IGDCC3: variants seen among roughly 807,000 people sequenced by gnomAD.
IGDCC3 encodes putative neuronal cell adhesion molecule.
A neutral mutation model predicts 72.0 loss-of-function variants in IGDCC3; 47 were observed. The ratio of observed to expected loss-of-function variants is 0.65; its 90% CI spans 0.52 to 0.83. The LOEUF (loss-of-function observed/expected upper bound fraction) is 0.83, where lower values mean the gene tolerates loss of function less well. Among genes scored for constraint, IGDCC3 ranks in the 40% least tolerant of loss-of-function variants. IGDCC3 has a pLI of 0.00. For missense variants in IGDCC3, 1,038 were observed against 1,091.3 expected (o/e 0.95, Z 0.69); for synonymous variants, 477 against 472.8 (o/e 1.01, Z -0.11).
At chr15:65,376,772 C>A (rs1159443327) in intron 1 of IGDCC3, among the ~76,000 whole-genome samples, 1 of 152,200 alleles carries the variant, frequency 6.6e-6, no homozygotes, top group Non-Finnish European at 1.5e-5. Context: ...TTCCTTGATG[C>A]GGACGCGAGC....
rs767265076 is a variant in IGDCC3, at chr15:65,330,366, G to T, written c.1785C>A (p.Leu595=). The change falls in exon 11 of 14, where the codon CTC becomes CTA. Residue 595 remains leucine, a synonymous_variant. Coordinates refer to ENST00000327987, the MANE Select transcript of IGDCC3 (RefSeq NM_004884.4). ...DPTAVYEVKL[L]AYNQHGDGNA... ...TGCCATCTCCATGCTGGTTGTAGGC[G>T]AGCAGCTTCACCTCATACACTGCAG... 6.2e-7 allele frequency: 1 copy of T among 1,613,998 alleles called. No individual in the cohort carries two copies. The highest frequency in any genetic ancestry group is 8.5e-7 in the Non-Finnish European group (1 of 1,179,924).
rs540834947 is a variant in IGDCC3, at chr15:65,331,355, G to A, written c.1396+57C>T. On this transcript the variant is annotated intron_variant, in intron 8 of 13. Transcript: ENST00000327987. ...GCATCGGGTCACGACGTGCAGGATT[G>A]GAAGGAATAAGAAATAGTGAATTAG... 8.3e-5 allele frequency: 131 copies of A among 1,570,848 alleles called. No homozygotes were observed. In the African/African-American group the frequency reaches 1.6e-3, roughly 20 times the overall value.
chr15:65,346,462 T>G (rs1467158004), intron 2 of IGDCC3, among the ~76,000 whole-genome samples: 1 of 120,320 alleles, frequency 8.3e-6, no homozygotes, highest in African/African-American at 3.5e-5. Context: ...GAGACTCAGC[T>G]CTTTTTTTTT....
At position 65,331,535 on chromosome 15, in the gene IGDCC3, C is replaced by T. The variant is rs780318295; in HGVS notation, c.1273G>A (p.Gly425Arg). The change falls in exon 8 of 14, where the codon GGG (glycine) becomes AGG (arginine). Residue 425 changes from glycine (G) to arginine (R), a missense_variant. Gly to Arg is a moderately radical substitution (Grantham distance 125, BLOSUM62 -2). Transcript: ENST00000327987. ...LTVLWAEGLP[G>R]PPRNVRAVSV... ...ACTGCCCGCACATTGCGGGGAGGCC[C>T]GGGGAGCCCCTCAGCCCACAGTACG... 10 of 1,613,616 alleles carry T rather than the reference C, an allele frequency of 6.2e-6. No individual in the cohort carries two copies. Among genetic ancestry groups the T allele is most frequent in the Middle Eastern group, 1.6e-4 (1 of 6,084 alleles).
intron 6 of IGDCC3, 45 bp downstream of exon 6, chr15:65,333,212 G>C (rs1408224203): frequency 6.5e-7 from 1 of 1,537,514 alleles, no homozygotes; most frequent in East Asian, 2.3e-5. Context: ...GGAAGGGACT[G>C]TGCGGAGATC....
rs1405894608 is a variant in IGDCC3 at position 65,335,408 on chromosome 15, G to A, written c.568C>T (p.Pro190Ser). The change falls in exon 4 of 14, where the codon CCC (proline) becomes TCC (serine). Residue 190 changes from proline to serine, a missense_variant. Physicochemically the swap from Pro to Ser is moderately conservative, Grantham distance 74 (BLOSUM62 -1). Transcript: ENST00000327987. Reference sequence around the variant, plus strand: ...CCTGTGATCTGCAGGACCCCCTTGGGCAGCAATGTGTACCTGTTGAGGGGA... The same window carrying A: ...CCTGTGATCTGCAGGACCCCCTTGGACAGCAATGTGTACCTGTTGAGGGGA... ...DTDNERYTLLPKGVLQITGLR... is the reference protein window; with the variant it reads ...DTDNERYTLLSKGVLQITGLR... 6.2e-6 allele frequency: 10 copies of A among 1,611,774 alleles called. No individual in the cohort carries two copies. Among genetic ancestry groups the A allele is most frequent in the Admixed American group, 3.4e-5 (2 of 59,646 alleles).
chr15:65,330,087 G>A (rs2090962819), intron 11 of IGDCC3, among the ~76,000 whole-genome samples: 1 of 152,192 alleles, frequency 6.6e-6, no homozygotes, highest in Non-Finnish European at 1.5e-5. Context: ...GCTTTGTAAA[G>A]TAGGTACTAT....
chr15:65,364,641 CT>C (rs1463661368), intron 2 of IGDCC3, among the ~76,000 whole-genome samples: 2 of 152,126 alleles, frequency 1.3e-5, no homozygotes, highest in African/African-American at 4.8e-5. Flanking sequence ...AATCCCAGCA[CT>C]TTGGGAGGGT....
At position 65,372,767 on chromosome 15, in the gene IGDCC3, G is replaced by A. The variant is rs578228358; in HGVS notation, c.409+2330C>T. The stretch of plus-strand genomic sequence containing the variant: ...TGTGTCACACAACATCTGCAGTGCC[G>A]GCAGGCACACGGGCAGGGAGTTATT... On this transcript the variant is annotated intron_variant, in intron 2 of 13. Coordinates refer to ENST00000327987, the MANE Select transcript of IGDCC3 (RefSeq NM_004884.4). Among the ~76,000 whole-genome samples, 300 of 152,302 alleles carry A rather than the reference G, an allele frequency of 2.0e-3. 1 individual carries two copies. The highest frequency in any genetic ancestry group is 3.3e-3 in the Non-Finnish European group (223 of 68,026).
chr15:65,370,259 G>A (rs2091314096), intron 2 of IGDCC3, among the ~76,000 whole-genome samples: 1 of 151,972 alleles, frequency 6.6e-6, no homozygotes, highest in African/African-American at 2.4e-5. Context: ...GCTCACACCT[G>A]TAATCCCAGC....
intron 2 of IGDCC3, among the ~76,000 whole-genome samples, chr15:65,341,890 C>T (rs1241832450): frequency 6.6e-6 from 1 of 152,152 alleles, no homozygotes; most frequent in African/African-American, 2.4e-5. Context: ...TCTCATGCCT[C>T]AGCCTCCCAA....
chr15:65,333,942 A>G (rs932949288), intron 5 of IGDCC3, among the ~76,000 whole-genome samples: 11 of 152,018 alleles, frequency 7.2e-5, no homozygotes, highest in Non-Finnish European at 1.6e-4. Context: ...GTTCCTCCTG[A>G]TGGTGCGGCC....
intron 2 of IGDCC3, among the ~76,000 whole-genome samples, chr15:65,353,975 A>G (rs951674194): frequency 2.0e-5 from 3 of 152,014 alleles, no homozygotes; most frequent in Admixed American, 1.3e-4. Context: ...GCGCGATCTC[A>G]GTTCACTGCA....
Position 65,329,560 on chromosome 15 carries a change from G to A in IGDCC3, c.2035C>T (p.Pro679Ser), listed in dbSNP as rs748039881. The A allele has an allele frequency of 6.2e-7, 1 of 1,611,668 alleles. No individual in the cohort carries two copies. Among genetic ancestry groups the A allele is most frequent in the Admixed American group, 1.7e-5 (1 of 59,112 alleles). ...CTCTGGCTCCGGGGACCCTGTGGAGGGGACAGCTGGTTTTCCACATCTTTA... is the reference window on the plus strand; with the variant it reads ...CTCTGGCTCCGGGGACCCTGTGGAGAGGACAGCTGGTTTTCCACATCTTTA... ...LCKDVENQLS[P>S]PQGPRSQRDP... Residue 679 changes from proline (P) to serine (S), a missense_variant, in exon 13 of 14, where the codon CCT becomes TCT. By Grantham distance (74) the Pro-to-Ser change is moderately conservative (BLOSUM62 -1). Transcript: ENST00000327987. This position sits in a 1 kb window ranked among gnomAD's most constrained non-coding sequence, Gnocchi z 4.1.
chr15:65,376,019 G>A (rs566648980), intron 1 of IGDCC3, among the ~76,000 whole-genome samples: 165 of 152,312 alleles, frequency 1.1e-3, no homozygotes, highest in Admixed American at 4.8e-3. Context: ...AAACCCATCA[G>A]ATGCCTGGTC....
At position 65,329,564 on chromosome 15, in the gene IGDCC3, C is replaced by T; in HGVS notation, c.2031G>A (p.Leu677=). ...VLLCKDVENQ[L]SPPQGPRSQR... Reference sequence around the variant, plus strand: ...GGCTCCGGGGACCCTGTGGAGGGGACAGCTGGTTTTCCACATCTTTACACA... The same window carrying T: ...GGCTCCGGGGACCCTGTGGAGGGGATAGCTGGTTTTCCACATCTTTACACA... The change falls in exon 13 of 14, where the codon CTG becomes CTA. Residue 677 remains leucine (L), a synonymous_variant. Coordinates refer to ENST00000327987, the MANE Select transcript of IGDCC3 (RefSeq NM_004884.4). The surrounding 1 kb of genome is among the most constrained non-coding windows in gnomAD (Gnocchi z 4.1). 4 of 1,611,952 alleles carry T rather than the reference C, an allele frequency of 2.5e-6. No individual in the cohort carries two copies. The African/African-American group carries it at 5.3e-5, about 22-fold the overall frequency.
intron 2 of IGDCC3, among the ~76,000 whole-genome samples, chr15:65,350,968 G>T (rs1408718232): frequency 6.6e-6 from 1 of 152,230 alleles, no homozygotes; most frequent in Non-Finnish European, 1.5e-5. Context: ...TTTGGTGAAA[G>T]ATTATAAGAA....
intron 9 of IGDCC3, 126 bp from the exon 10 acceptor site, chr15:65,330,867 T>C: frequency 1.9e-6 from 2 of 1,077,934 alleles, no homozygotes; most frequent in Non-Finnish European, 2.6e-6. Context: ...GGCATGTGCT[T>C]ATGAAAGCAG....
Position 65,328,817 on chromosome 15 carries a change from A to G in IGDCC3, c.*92T>C. ...ATAGAAATGCTGGGGAGCCCCCAGGACCATCCAAATCCCACATGACAGTAG... is the reference window on the plus strand; with the variant it reads ...ATAGAAATGCTGGGGAGCCCCCAGGGCCATCCAAATCCCACATGACAGTAG... On this transcript the variant is annotated 3_prime_UTR_variant, in exon 14 of 14. Coordinates refer to ENST00000327987, the MANE Select transcript of IGDCC3 (RefSeq NM_004884.4). 6.9e-7 allele frequency: 1 copy of G among 1,449,650 alleles called. No homozygotes were observed. Among genetic ancestry groups the G allele is most frequent in the Non-Finnish European group, 9.2e-7 (1 of 1,090,994 alleles). 89.8% of individuals were successfully genotyped at this position (1,449,650 alleles called of 1,614,324 possible). A position where few individuals can be genotyped will look rare whatever the true frequency, so the allele number is the denominator to read the frequency against.
Sources: allele counts gnomAD v4.1 joint callset (sites outside exome capture counted in the v4.1 genomes callset), GRCh38; gene constraint gnomAD v4.1.1; non-coding constraint Gnocchi (gnomAD v3.1); transcripts MANE v1.5; gene names NCBI Gene and HGNC (gene_info 2026-07-23, HGNC 2026-07-21).